The following INPP4B variants were observed in gnomAD, a reference collection of about 807,000 sequenced individuals.
The protein encoded by INPP4B is inositol polyphosphate-4-phosphatase type II B.
INPP4B carries 55 observed loss-of-function variants against 122.5 expected under a neutral mutation model. The ratio of observed to expected loss-of-function variants is 0.45; its 90% CI spans 0.36 to 0.56. The LOEUF (loss-of-function observed/expected upper bound fraction) is 0.56, where lower values mean the gene tolerates loss of function less well. Among genes scored for constraint, INPP4B ranks in the 20% least tolerant of loss-of-function variants. The probability of loss-of-function intolerance (pLI) is 0.00; values close to 1 mark genes in which losing one functional copy is unlikely to be tolerated. For synonymous variants in INPP4B, 403 were observed against 388.7 expected, an observed-to-expected ratio of 1.04 and a Z score of -0.43; for missense variants, 1,000 against 1,097.7, an observed-to-expected ratio of 0.91 and a Z score of 1.26.
Position 142,414,434 on chromosome 4 carries a change from C to T in INPP4B, c.137-9110G>A, listed in dbSNP as rs547102168. On this transcript the variant is annotated intron_variant, in intron 5 of 25. Coordinates refer to ENST00000262992, the MANE Select transcript of INPP4B (RefSeq NM_001101669.3). Reference sequence around the variant, plus strand: ...AGAATCAAGAGGGAAAGAAAAACAACACAACCTCTGCCTGGAACAATGGTG... The same window carrying T: ...AGAATCAAGAGGGAAAGAAAAACAATACAACCTCTGCCTGGAACAATGGTG... Among the ~76,000 whole-genome samples, 15 of 152,282 alleles carry T rather than the reference C, an allele frequency of 9.9e-5. No individual in the cohort carries two copies. In the South Asian group the frequency reaches 2.7e-3, roughly 27 times the overall value.
At position 142,326,397 on chromosome 4, in the gene INPP4B, T is replaced by C. The variant is rs1287470423; in HGVS notation, c.373-11635A>G. ...TTTTATAGGCACTAAAGATAATAGCTGATAACTTGCTAAACAACTGTTCTT... is the reference window on the plus strand; with the variant it reads ...TTTTATAGGCACTAAAGATAATAGCCGATAACTTGCTAAACAACTGTTCTT... On this transcript the variant is annotated intron_variant, in intron 7 of 25. Transcript: ENST00000262992. Among the ~76,000 whole-genome samples, 3 of 152,212 alleles carry C rather than the reference T, an allele frequency of 2.0e-5. No homozygotes were observed. The South Asian group carries it at 6.2e-4, about 32-fold the overall frequency.
At chr4:142,635,261 G>A (rs575627929) in intron 2 of INPP4B, among the ~76,000 whole-genome samples, 2 of 152,246 alleles carry the variant, frequency 1.3e-5, no homozygotes, top group East Asian at 3.9e-4. Context: ...CTGTTAGTGT[G>A]AGTTTAAATT....
intron 2 of INPP4B, among the ~76,000 whole-genome samples, chr4:142,679,711 A>G (rs1329346591): frequency 1.3e-5 from 2 of 151,764 alleles, no homozygotes; most frequent in Non-Finnish European, 2.9e-5. Flanking sequence ...TGAAAAGTTG[A>G]CAAGCCCTTA....
chr4:142,538,988 A>T (rs996556401), intron 2 of INPP4B, among the ~76,000 whole-genome samples: 7 of 151,668 alleles, frequency 4.6e-5, no homozygotes, highest in Non-Finnish European at 8.8e-5. Flanking sequence ...AACCTCAAAT[A>T]TTTGTACAAG....
At chr4:142,401,052 G>A (rs1801426659) in intron 7 of INPP4B, among the ~76,000 whole-genome samples, 1 of 152,098 alleles carries the variant, frequency 6.6e-6, no homozygotes, top group African/African-American at 2.4e-5. Flanking sequence ...TATGTCTTCG[G>A]ACTGTTGGAG....
At chr4:142,725,086 T>A (rs1765165963) in intron 2 of INPP4B, among the ~76,000 whole-genome samples, 1 of 152,114 alleles carries the variant, frequency 6.6e-6, no homozygotes, top group Non-Finnish European at 1.5e-5. Flanking sequence ...TGCAAAAATC[T>A]CTTTTGAGAT....
chr4:142,407,460 A>C (rs992800759), intron 5 of INPP4B, among the ~76,000 whole-genome samples: 7 of 152,140 alleles, frequency 4.6e-5, no homozygotes, highest in African/African-American at 1.4e-4. Flanking sequence ...TTTATCAGAG[A>C]GACTCTCACC....
intron 25 of INPP4B, among the ~76,000 whole-genome samples, chr4:142,047,279 G>GT: frequency 7.3e-6 from 1 of 136,914 alleles, no homozygotes; most frequent in East Asian, 2.2e-4. Context: ...AAGGGCACCA[G>GT]TTTTTTTCTA....
chr4:142,339,290 TAC>T (rs1456327060), intron 7 of INPP4B, among the ~76,000 whole-genome samples: 1 of 152,190 alleles, frequency 6.6e-6, no homozygotes, highest in Admixed American at 6.5e-5. Flanking sequence ...CTCTGACTGA[TAC>T]AGACTTAATA....
chr4:142,269,016 A>ATTTT, intron 10 of INPP4B, among the ~76,000 whole-genome samples: 1 of 152,092 alleles, frequency 6.6e-6, no homozygotes, highest in Non-Finnish European at 1.5e-5. Context: ...AAATAGCCTT[A>ATTTT]ATACAGAGTT....
chr4:142,620,077 A>T (rs915235855), intron 2 of INPP4B, among the ~76,000 whole-genome samples: 1 of 151,848 alleles, frequency 6.6e-6, no homozygotes, highest in Admixed American at 6.6e-5. Context: ...GCTGCTGGGG[A>T]TGTGGAAAGC....
At chr4:142,296,416 G>A (rs1290857662) in intron 9 of INPP4B, among the ~76,000 whole-genome samples, 2 of 152,234 alleles carry the variant, frequency 1.3e-5, no homozygotes, top group Non-Finnish European at 2.9e-5. Flanking sequence ...ATGAGGACCT[G>A]CTTTGCATTA....
At chr4:142,535,701 CTA>C (rs1340165807) in intron 2 of INPP4B, among the ~76,000 whole-genome samples, 2 of 152,118 alleles carry the variant, frequency 1.3e-5, no homozygotes, top group African/African-American at 4.8e-5. Context: ...ATGATAATGA[CTA>C]TTTAAATCAA....
At chr4:142,130,308 C>T (rs561009609) in intron 18 of INPP4B, among the ~76,000 whole-genome samples, 118 of 152,150 alleles carry the variant, frequency 7.8e-4, no homozygotes, top group Non-Finnish European at 1.4e-3. Context: ...AAGGGAGAAA[C>T]AGGGGGTACT....
chr4:142,477,183 G>T (rs1169610927), intron 2 of INPP4B, among the ~76,000 whole-genome samples: 1 of 152,120 alleles, frequency 6.6e-6, no homozygotes, highest in Admixed American at 6.6e-5. Context: ...TAAACAACAT[G>T]CTCCTAAATG....
chr4:142,650,114 C>G (rs981884825), intron 2 of INPP4B, among the ~76,000 whole-genome samples: 1 of 152,154 alleles, frequency 6.6e-6, no homozygotes, highest in Non-Finnish European at 1.5e-5. Context: ...TCCAGCCAAA[C>G]TAAGCTTCAT....
chr4:142,542,028 G>A (rs992898635), intron 2 of INPP4B, among the ~76,000 whole-genome samples: 1 of 152,116 alleles, frequency 6.6e-6, no homozygotes, highest in East Asian at 1.9e-4. Context: ...ACCCTAGAGG[G>A]TGGATTTCCT....
chr4:142,466,079 G>C (rs540748685), intron 2 of INPP4B, among the ~76,000 whole-genome samples: 1 of 152,158 alleles, frequency 6.6e-6, no homozygotes, highest in Non-Finnish European at 1.5e-5. Flanking sequence ...AAGGAATGGG[G>C]TGTTACTATA....
intron 2 of INPP4B, among the ~76,000 whole-genome samples, chr4:142,617,488 C>G (rs867575910): frequency 6.6e-6 from 1 of 152,202 alleles, no homozygotes; most frequent in Middle Eastern, 3.4e-3. Flanking sequence ...ACCAGGACAG[C>G]ACCAGAGGCA....
Sources: allele counts gnomAD v4.1 joint callset (sites outside exome capture counted in the v4.1 genomes callset), GRCh38; gene constraint gnomAD v4.1.1; transcripts MANE v1.5; gene names NCBI Gene and HGNC (gene_info 2026-07-23, HGNC 2026-07-21).